The following PIP5K1A variants were observed in gnomAD, a reference collection of about 807,000 sequenced individuals.
The protein encoded by PIP5K1A is phosphatidylinositol 4-phosphate 5-kinase type-1 alpha.
In PIP5K1A, 46 loss-of-function variants were observed where a neutral mutation model predicts 72.9. The ratio of observed to expected loss-of-function variants is 0.63; its 90% CI spans 0.50 to 0.81. The LOEUF is 0.81. PIP5K1A is among the 30% of genes least tolerant of loss of function. PIP5K1A has a pLI of 0.00. For missense variants in PIP5K1A, 458 were observed against 706.1 expected (o/e 0.65, Z 3.98); for synonymous variants, 228 against 255.1 (o/e 0.89, Z 1.01).
At chr1:151,200,730 C>G (rs972462344) in intron 1 of PIP5K1A, among the ~76,000 whole-genome samples, 2 of 151,970 alleles carry the variant, frequency 1.3e-5, no homozygotes, top group African/African-American at 4.8e-5. Flanking sequence ...GGATTTTTTA[C>G]CTTTCCTATA....
At chr1:151,240,632 A>C (rs1198129861) in intron 12 of PIP5K1A, among the ~76,000 whole-genome samples, 2 of 152,148 alleles carry the variant, frequency 1.3e-5, no homozygotes, top group Non-Finnish European at 2.9e-5. Context: ...GTCTTAAGGG[A>C]TATGGAAAAA....
chr1:151,219,693 T>TA (rs1260781380), intron 1 of PIP5K1A, among the ~76,000 whole-genome samples: 7 of 149,754 alleles, frequency 4.7e-5, no homozygotes, highest in African/African-American at 7.4e-5. Flanking sequence ...AAACTCCATC[T>TA]AAAAAAAAAG....
Position 151,231,724 on chromosome 1 carries a change from G to A in PIP5K1A, c.291G>A (p.Val97=). The A allele has an allele frequency of 6.2e-7, 1 of 1,613,544 alleles. No homozygotes were observed. The highest frequency in any genetic ancestry group is 8.5e-7 in the Non-Finnish European group (1 of 1,179,498). ...TCCAGTTAGGCATTACCCACACTGTGGGGAGCCTGAGTACCAAACCAGAGC... is the reference window on the plus strand; with the variant it reads ...TCCAGTTAGGCATTACCCACACTGTAGGGAGCCTGAGTACCAAACCAGAGC... The part of the protein sequence containing the change: ...GAIQLGITHT[V]GSLSTKPERD... The change falls in exon 5 of 16, where the codon GTG becomes GTA. Residue 97 remains valine, a synonymous_variant. Coordinates refer to ENST00000368888, the MANE Select transcript of PIP5K1A (RefSeq NM_001135638.2).
intron 10 of PIP5K1A, 26 bp from the exon 11 acceptor site, chr1:151,239,104 G>A (rs1466353079): frequency 3.2e-6 from 5 of 1,570,422 alleles, no homozygotes. Flanking sequence ...AATGACGTGA[G>A]TAGGTGATGT....
Position 151,223,215 on chromosome 1 carries a change from G to A in PIP5K1A, c.86-1030G>A, listed in dbSNP as rs1688637151. On this transcript the variant is annotated intron_variant, in intron 1 of 15. Coordinates refer to ENST00000368888, the MANE Select transcript of PIP5K1A (RefSeq NM_001135638.2). ...AAAATACAAAAATCAGCCAGGCATG[G>A]TGGCGGGCACCTGTAATCCCAGCTA... Among the ~76,000 whole-genome samples, 6 of 151,958 alleles carry A rather than the reference G, an allele frequency of 3.9e-5. 1 individual carries two copies. In the South Asian group the frequency reaches 1.2e-3, roughly 31 times the overall value.
intron 3 of PIP5K1A, among the ~76,000 whole-genome samples, chr1:151,226,423 C>CA (rs1689146828): frequency 1.3e-5 from 2 of 152,130 alleles, no homozygotes; most frequent in East Asian, 3.9e-4. Context: ...TAAAAATACT[C>CA]ACCTTTGGTT....
chr1:151,227,671 A>G (rs1689352180), intron 4 of PIP5K1A, among the ~76,000 whole-genome samples: 1 of 152,206 alleles, frequency 6.6e-6, no homozygotes, highest in African/African-American at 2.4e-5. Flanking sequence ...CAGGCAGATC[A>G]TTTTAGGCCA....
intron 1 of PIP5K1A, among the ~76,000 whole-genome samples, chr1:151,217,902 C>T (rs1687869554): frequency 6.6e-6 from 1 of 152,128 alleles, no homozygotes; most frequent in African/African-American, 2.4e-5. Context: ...GCCTCAGACT[C>T]GCAAGTAGCT....
At chr1:151,232,154 C>G (rs1214821594) in intron 5 of PIP5K1A, 94 bp from the exon 6 acceptor site, 10 of 824,738 alleles carry the variant, frequency 1.2e-5, no homozygotes, top group Non-Finnish European at 1.9e-5. Context: ...CCCCCACTCC[C>G]CCCACCATGA....
intron 14 of PIP5K1A, among the ~76,000 whole-genome samples, chr1:151,245,580 G>A (rs1692383205): frequency 6.6e-6 from 1 of 152,168 alleles, no homozygotes; most frequent in Admixed American, 6.6e-5. Flanking sequence ...CTGTCACCCA[G>A]GCTAGAATGT....
At position 151,231,299 on chromosome 1, in the gene PIP5K1A, ACTCTGG is replaced by A. The variant is rs587649371; in HGVS notation, c.238-371_238-366del. 3.5e-4 allele frequency among the ~76,000 whole-genome samples: 53 copies of A among 152,024 alleles called. 1 individual carries two copies. The South Asian group carries it at 0.011, about 31-fold the overall frequency. On this transcript the variant is annotated intron_variant, in intron 4 of 15. Transcript: ENST00000368888. The stretch of plus-strand genomic sequence containing the variant: ...GAAATGTTTAGAGGGCTCCAGATAC[ACTCTGG>A]GGGCAGAAACCTTAGGAGTGAGAAC...
At chr1:151,235,116 C>T (rs1237418668) in intron 8 of PIP5K1A, among the ~76,000 whole-genome samples, 1 of 152,152 alleles carries the variant, frequency 6.6e-6, no homozygotes, top group Non-Finnish European at 1.5e-5. Flanking sequence ...GAGTTTCACT[C>T]TTGTCACCCA....
At position 151,232,700 on chromosome 1, in the gene PIP5K1A, C is replaced by T; in HGVS notation, c.636C>T (p.Tyr212=). ...EFLQKLLPGY[Y]MNLNQNPRTL... ...TGCAGAAGCTGCTTCCAGGATACTA[C>T]ATGGTAAGGGAGAGAGAAGCACTGT... The change falls in exon 7 of 16, where the codon TAC becomes TAT. Residue 212 remains tyrosine (Y), a synonymous_variant. Transcript: ENST00000368888. The T allele has an allele frequency of 1.9e-6, 3 of 1,613,512 alleles. No homozygotes were observed. Among genetic ancestry groups the T allele is most frequent in the Non-Finnish European group, 2.5e-6 (3 of 1,179,626 alleles).
intron 1 of PIP5K1A, among the ~76,000 whole-genome samples, chr1:151,209,018 C>T (rs1368184681): frequency 1.3e-5 from 2 of 151,134 alleles, no homozygotes; most frequent in African/African-American, 4.9e-5. Context: ...AGGCGTGAGC[C>T]ACTGCGCCTG....
intron 8 of PIP5K1A, 101 bp from the exon 9 acceptor site, chr1:151,236,457 C>T: frequency 1.3e-6 from 1 of 751,554 alleles, no homozygotes; most frequent in Non-Finnish European, 2.2e-6. Context: ...GCCTGGGTTA[C>T]AGATTGATAC....
intron 1 of PIP5K1A, among the ~76,000 whole-genome samples, chr1:151,222,972 T>G (rs587651223): frequency 6.6e-6 from 1 of 152,232 alleles, no homozygotes; most frequent in East Asian, 1.9e-4. Context: ...TCCCATCACT[T>G]TGGGAGGCCA....
upstream of PIP5K1A, among the ~76,000 whole-genome samples, chr1:151,197,060 C>A (rs750558777): frequency 6.6e-6 from 1 of 151,112 alleles, no homozygotes; most frequent in Non-Finnish European, 1.5e-5. Context: ...CGCGGTTTCA[C>A]TATGTTGGCC....
upstream of PIP5K1A, chr1:151,198,131 G>A (rs932857380): frequency 1.3e-5 from 6 of 469,000 alleles, no homozygotes; most frequent in Admixed American, 4.8e-5. Context: ...AGACATGCAC[G>A]CACGTTTAAT....
intron 1 of PIP5K1A, among the ~76,000 whole-genome samples, chr1:151,219,845 T>G: frequency 7.2e-6 from 1 of 138,484 alleles, no homozygotes; most frequent in African/African-American, 2.7e-5. Flanking sequence ...CCTTACATAT[T>G]CTTTCCTTTT....
Sources: allele counts gnomAD v4.1 joint callset (sites outside exome capture counted in the v4.1 genomes callset), GRCh38; gene constraint gnomAD v4.1.1; transcripts MANE v1.5; gene names NCBI Gene and HGNC (gene_info 2026-07-23, HGNC 2026-07-21).